ACBD5: variants seen among roughly 807,000 people sequenced by gnomAD.
ACBD5 encodes acyl-CoA binding domain containing 5.
In ACBD5, 40 loss-of-function variants were observed where a neutral mutation model predicts 71.8. The ratio of observed to expected loss-of-function variants is 0.56; its 90% CI spans 0.43 to 0.72. ACBD5 has a LOEUF of 0.72. Ranked by LOEUF, ACBD5 falls within the 30% of genes least tolerant of loss-of-function variation. ACBD5 has a pLI of 0.00. For synonymous variants in ACBD5, 229 were observed against 218.6 expected, an observed-to-expected ratio of 1.05 and a Z score of -0.42; for missense variants, 559 against 644.5, an observed-to-expected ratio of 0.87 and a Z score of 1.44.
In ACBD5 at chr10:27,224,508, AAAAGT is replaced by A. The variant is rs2062765219; in HGVS notation, c.376-1061_376-1057del. Among the ~76,000 whole-genome samples the A allele has an allele frequency of 3.9e-5, 6 of 152,238 alleles. No homozygotes were observed. In the South Asian group the frequency reaches 1.0e-3, roughly 26 times the overall value. ...TAGCGTAGTATTTCTAACAGGGCAC[AAAAGT>A]AAAGTAGGAAATTGTAATCACTTTC... On this transcript the variant is annotated intron_variant, in intron 4 of 12. Transcript: ENST00000396271.
chr10:27,229,452 C>T (rs35209475), intron 4 of ACBD5, among the ~76,000 whole-genome samples: 12,367 of 151,730 alleles, frequency 0.082, 766 homozygotes, highest in East Asian at 0.32. Flanking sequence ...ATTAGCTGGG[C>T]GTGACGGCAT....
At position 27,240,309 on chromosome 10, in the gene ACBD5, G is replaced by C; in HGVS notation, c.181+10C>G. 1 of 1,614,074 alleles carries C rather than the reference G, an allele frequency of 6.2e-7. No individual in the cohort carries two copies. Among genetic ancestry groups the C allele is most frequent in the Non-Finnish European group, 8.5e-7 (1 of 1,180,008 alleles). On this transcript the variant is annotated intron_variant, in intron 2 of 12. Transcript: ENST00000396271. This position sits in a 1 kb window ranked among gnomAD's most constrained non-coding sequence, Gnocchi z 4.1. ...AGGAGGCGTCTACAGCCGGGGCCCAGCGCACGTACCATTCTTCGGCAAACT... is the reference window on the plus strand; with the variant it reads ...AGGAGGCGTCTACAGCCGGGGCCCACCGCACGTACCATTCTTCGGCAAACT...
chr10:27,232,133 ACACATTT>A (rs2063947853), intron 3 of ACBD5: 3 of 358,314 alleles, frequency 8.4e-6, no homozygotes, highest in Non-Finnish European at 1.5e-5. Flanking sequence ...TAACAGAAAT[ACACATTT>A]TAGAAGACTA....
rs892152804 is a variant in ACBD5, at chr10:27,222,254, T to C, written c.490+1084A>G. ...ATTTAAAGGGTATATAATTTTCTCT[T>C]AAATTGACTCTTGTGGTCTCATTTC... On this transcript the variant is annotated intron_variant, in intron 5 of 12. Coordinates refer to ENST00000396271, the MANE Select transcript of ACBD5 (RefSeq NM_145698.5). Among the ~76,000 whole-genome samples, 18 of 152,298 alleles carry C rather than the reference T, an allele frequency of 1.2e-4. 4 individuals are homozygous for C. The highest frequency in any genetic ancestry group is 9.8e-4 in the Admixed American group (15 of 15,282).
At chr10:27,237,628 T>C (rs976533304) in intron 2 of ACBD5, among the ~76,000 whole-genome samples, 1 of 150,232 alleles carries the variant, frequency 6.7e-6, no homozygotes, top group African/African-American at 2.4e-5. Context: ...TATCTTTTTT[T>C]TTTTTTTTTG....
chr10:27,183,960 C>T (rs752612587), intron 13 of ACBD5, among the ~76,000 whole-genome samples: 1 of 152,162 alleles, frequency 6.6e-6, no homozygotes, highest in African/African-American at 2.4e-5. Flanking sequence ...CATCCGCCCA[C>T]CTTGGCCTCC....
chr10:27,194,985 ACT>A (rs1407914873), downstream of ACBD5, among the ~76,000 whole-genome samples: 1 of 152,086 alleles, frequency 6.6e-6, no homozygotes, highest in African/African-American at 2.4e-5. Context: ...ACAGAGCGAG[ACT>A]CTGTCTCAAA....
intron 4 of ACBD5, among the ~76,000 whole-genome samples, chr10:27,224,937 G>A (rs11015616): frequency 4.6e-5 from 7 of 151,998 alleles, no homozygotes; most frequent in Non-Finnish European, 7.4e-5. Context: ...AGGCTGAGGC[G>A]AGAGAATTGC....
At chr10:27,202,374 T>A (rs2060013430) in intron 12 of ACBD5, among the ~76,000 whole-genome samples, 1 of 152,088 alleles carries the variant, frequency 6.6e-6, no homozygotes, top group Non-Finnish European at 1.5e-5. Flanking sequence ...ACAGTTAACA[T>A]ACAGTAAAAA....
chr10:27,198,001 T>G (rs1651245120), intron 12 of ACBD5, among the ~76,000 whole-genome samples: 1 of 152,222 alleles, frequency 6.6e-6, no homozygotes, highest in African/African-American at 2.4e-5. Context: ...TTCTTACCCT[T>G]TTCTAATTGG....
chr10:27,199,173 C>T (rs967686051), intron 12 of ACBD5, among the ~76,000 whole-genome samples: 3 of 151,198 alleles, frequency 2.0e-5, no homozygotes, highest in African/African-American at 7.3e-5. Flanking sequence ...AATTTGGTCT[C>T]GATGAACCCC....
chr10:27,242,104 C>A, upstream of ACBD5: 1 of 449,040 alleles, frequency 2.2e-6, no homozygotes, highest in Non-Finnish European at 4.5e-6. Flanking sequence ...CCCCGACGCC[C>A]GCCCCTCGCC....
Position 27,210,981 on chromosome 10 carries a change from T to C in ACBD5, c.1037A>G (p.Gln346Arg). 4 of 1,614,136 alleles carry C rather than the reference T, an allele frequency of 2.5e-6. No homozygotes were observed. The South Asian group carries it at 3.3e-5, about 13-fold the overall frequency. ...MENSGFREDI[Q>R]VPPGNGNIGN... ...AATGTTGCCATTTCCAGGAGGTACT[T>C]GAATATCTTCACGAAATCCAGAATT... is the stretch of plus-strand genomic sequence containing the variant. Residue 346 changes from glutamine to arginine, a missense_variant, in exon 9 of 13, where the codon CAA (glutamine) becomes CGA (arginine). Physicochemically the swap from Gln to Arg is conservative, Grantham distance 43. Transcript: ENST00000396271.
chr10:27,218,238 C>T (rs1308424836), intron 6 of ACBD5, 55 bp from the exon 7 acceptor site: 2 of 1,344,484 alleles, frequency 1.5e-6, no homozygotes, highest in South Asian at 1.2e-5. Flanking sequence ...TCACCTTCTG[C>T]ATACCATGTT....
At chr10:27,189,775 T>A (rs940747064) in intron 13 of ACBD5, among the ~76,000 whole-genome samples, 2 of 149,626 alleles carry the variant, frequency 1.3e-5, no homozygotes, top group South Asian at 2.1e-4. Context: ...TAAAAATATA[T>A]ATATATATAT....
chr10:27,186,475 C>T, intron 13 of ACBD5: 1 of 1,614,062 alleles, frequency 6.2e-7, no homozygotes, highest in South Asian at 1.1e-5. Flanking sequence ...GAAACAGATA[C>T]CTCCTATTTT....
chr10:27,212,759 C>T (rs78817822), intron 8 of ACBD5, among the ~76,000 whole-genome samples: 220 of 152,068 alleles, frequency 1.4e-3, no homozygotes, highest in African/African-American at 5.1e-3. Flanking sequence ...ATGTTGCTCA[C>T]GCGGCTCTGA....
intron 13 of ACBD5, among the ~76,000 whole-genome samples, chr10:27,185,618 C>A (rs865817405): frequency 6.7e-3 from 659 of 98,118 alleles, no homozygotes; most frequent in Middle Eastern, 0.011. Context: ...AGGTGACAGA[C>A]AAAAAAAAAA....
rs1418479471 is a variant in ACBD5, at chr10:27,240,606, C to A, written c.15+68G>T. The stretch of plus-strand genomic sequence containing the variant: ...CCACACAGATCGAAGCGGCCCGGCT[C>A]CTTCCTCCTCCCCCGGGGCGTGACT... On this transcript the variant is annotated intron_variant, in intron 1 of 12. Coordinates refer to ENST00000396271, the MANE Select transcript of ACBD5 (RefSeq NM_145698.5). The surrounding 1 kb of genome is among the most constrained non-coding windows in gnomAD (Gnocchi z 4.1). The A allele has an allele frequency of 6.4e-7, 1 of 1,551,000 alleles. No individual in the cohort carries two copies. The highest frequency in any genetic ancestry group is 1.4e-5 in the African/African-American group (1 of 73,026).
Sources: allele counts gnomAD v4.1 joint callset (sites outside exome capture counted in the v4.1 genomes callset), GRCh38; gene constraint gnomAD v4.1.1; non-coding constraint Gnocchi (gnomAD v3.1); transcripts MANE v1.5; gene names NCBI Gene and HGNC (gene_info 2026-07-23, HGNC 2026-07-21).